MSR1: variants seen among roughly 807,000 people sequenced by gnomAD.
The protein encoded by MSR1 is macrophage scavenger receptor 1.
Under a neutral mutation model 47.2 loss-of-function variants are expected in MSR1, and 53 were observed. The observed-to-expected ratio is 1.12, with a 90% CI of 0.90 to 1.41. MSR1 has a LOEUF of 1.41. Ranked by LOEUF, MSR1 falls within the 40% of genes most tolerant of loss-of-function variation. The pLI, the probability that MSR1 is intolerant of heterozygous loss-of-function variation, is 0.00. For synonymous variants in MSR1, 239 were observed against 185.6 expected (o/e 1.29, Z -2.34); for missense variants, 786 against 546.9 (o/e 1.44, Z -4.36).
intron 8 of MSR1, among the ~76,000 whole-genome samples, chr8:16,128,315 C>T (rs58083007): frequency 0.04 from 6,086 of 152,028 alleles, 207 homozygotes; most frequent in East Asian, 0.12. Flanking sequence ...AGATAGAGGC[C>T]ATATGGAGGT....
chr8:16,162,436 G>C (rs912206352), intron 5 of MSR1, among the ~76,000 whole-genome samples: 3 of 152,048 alleles, frequency 2.0e-5, no homozygotes, highest in Non-Finnish European at 4.4e-5. Flanking sequence ...AATGCCCGAG[G>C]TGCTTTTAGA....
intron 8 of MSR1, chr8:16,140,458 C>T: frequency 3.0e-6 from 3 of 987,172 alleles, no homozygotes; most frequent in Non-Finnish European, 2.4e-6. Flanking sequence ...AAAATTTACA[C>T]CCTAGTTGTA....
intron 8 of MSR1, among the ~76,000 whole-genome samples, chr8:16,142,494 G>A (rs1397621818): frequency 6.6e-6 from 1 of 152,112 alleles, no homozygotes; most frequent in East Asian, 1.9e-4. Context: ...GTACTCCGAA[G>A]ACACACAATA....
chr8:16,148,634 G>A (rs1460117421), intron 7 of MSR1, among the ~76,000 whole-genome samples: 1 of 151,840 alleles, frequency 6.6e-6, no homozygotes, highest in South Asian at 2.1e-4. Flanking sequence ...GTAGAGACAC[G>A]GTTTCACCAG....
chr8:16,118,568 T>G (rs1799928270), intron 9 of MSR1, among the ~76,000 whole-genome samples: 2 of 151,936 alleles, frequency 1.3e-5, no homozygotes, highest in East Asian at 1.9e-4. Context: ...AGTCGCAGCT[T>G]CTCAGGAGGC....
rs201949613 is a variant in MSR1 at position 16,112,943 on chromosome 8, G to A, written c.1223-2725C>T. On this transcript the variant is annotated intron_variant, in intron 9 of 9. Transcript: ENST00000262101. Reference sequence around the variant, plus strand: ...GATATTGATTATATATTTTTTTTAAGTTTTTTTTTTTTTTTTTTTTTGAGA... The same window carrying A: ...GATATTGATTATATATTTTTTTTAAATTTTTTTTTTTTTTTTTTTTTGAGA... 5.8e-3 allele frequency among the ~76,000 whole-genome samples: 507 copies of A among 87,822 alleles called. 5 individuals carry two copies. Among genetic ancestry groups the A allele is most frequent in the African/African-American group, 0.014 (377 of 26,850 alleles). 57.6% of individuals were successfully genotyped at this position (87,822 alleles called of 152,430 possible).
At chr8:16,153,898 T>G (rs1381780939) in intron 6 of MSR1, among the ~76,000 whole-genome samples, 1 of 152,068 alleles carries the variant, frequency 6.6e-6, no homozygotes, top group South Asian at 2.1e-4. Flanking sequence ...GTAGAAAGAC[T>G]TTCCTGAATA....
At chr8:16,127,339 T>C (rs1361059784) in intron 8 of MSR1, among the ~76,000 whole-genome samples, 1 of 152,158 alleles carries the variant, frequency 6.6e-6, no homozygotes, top group Non-Finnish European at 1.5e-5. Context: ...ATTCGCATTA[T>C]GGAAGAATTA....
intron 3 of MSR1, among the ~76,000 whole-genome samples, chr8:16,173,938 C>G (rs1476287583): frequency 6.6e-6 from 1 of 152,170 alleles, no homozygotes; most frequent in East Asian, 1.9e-4. Context: ...CATGAGCCAC[C>G]GTGCCCAGCT....
At chr8:16,181,963 G>A (rs879432722) in intron 1 of MSR1, among the ~76,000 whole-genome samples, 25 of 152,126 alleles carry the variant, frequency 1.6e-4, no homozygotes, top group African/African-American at 4.6e-4. Context: ...ACAAAGATAC[G>A]TTCTGAGAAA....
chr8:16,122,991 C>A (rs1800040235), intron 8 of MSR1, among the ~76,000 whole-genome samples: 1 of 151,750 alleles, frequency 6.6e-6, no homozygotes, highest in Non-Finnish European at 1.5e-5. Flanking sequence ...ACTACAGGTG[C>A]CTGCCACCAC....
At chr8:16,116,736 G>A (rs900848291) in intron 9 of MSR1, among the ~76,000 whole-genome samples, 1 of 152,070 alleles carries the variant, frequency 6.6e-6, no homozygotes, top group African/African-American at 2.4e-5. Flanking sequence ...TTTTACTCAT[G>A]AGACTAAGCC....
At chr8:16,187,557 A>T (rs1802040286) in intron 1 of MSR1, among the ~76,000 whole-genome samples, 1 of 151,910 alleles carries the variant, frequency 6.6e-6, no homozygotes, top group South Asian at 2.1e-4. Flanking sequence ...CTCTCATCCA[A>T]GCCAGATCCA....
intron 3 of MSR1, among the ~76,000 whole-genome samples, chr8:16,171,280 G>T (rs974969662): frequency 6.7e-6 from 1 of 149,772 alleles, no homozygotes; most frequent in Admixed American, 6.7e-5. Context: ...TACTACTGTA[G>T]CTATTATTAC....
At position 16,157,156 on chromosome 8, in the gene MSR1, A is replaced by G. The variant is rs192360213; in HGVS notation, c.818-2012T>C. ...AGACGCAGACATTCCAGGAAAAACT[A>G]GAACATGAAACAAGAAGAAACAAGG... On this transcript the variant is annotated intron_variant, in intron 5 of 9. Coordinates refer to ENST00000262101, the MANE Select transcript of MSR1 (RefSeq NM_138715.3). Among the ~76,000 whole-genome samples, 58 of 152,158 alleles carry G rather than the reference A, an allele frequency of 3.8e-4. 1 individual carries two copies. In the East Asian group the frequency reaches 0.01, roughly 27 times the overall value.
chr8:16,178,840 T>C (rs921873656), intron 1 of MSR1, among the ~76,000 whole-genome samples: 10 of 152,174 alleles, frequency 6.6e-5, no homozygotes. Flanking sequence ...TGGATTAGCA[T>C]TTCTCTGATG....
chr8:16,148,957 C>T (rs1175031977), intron 7 of MSR1, among the ~76,000 whole-genome samples: 2 of 152,112 alleles, frequency 1.3e-5, no homozygotes, highest in Non-Finnish European at 2.9e-5. Context: ...CTGACTCCAA[C>T]TATATGACAT....
chr8:16,186,598 T>C (rs1051240978), intron 1 of MSR1, among the ~76,000 whole-genome samples: 1 of 151,752 alleles, frequency 6.6e-6, no homozygotes, highest in Admixed American at 6.6e-5. Flanking sequence ...CTTGCTAGCA[T>C]CCTGTCCAAG....
intron 2 of MSR1, among the ~76,000 whole-genome samples, chr8:16,175,810 G>C (rs1041446859): frequency 1.7e-4 from 26 of 152,024 alleles, no homozygotes; most frequent in African/African-American, 5.8e-4. Flanking sequence ...CTTATGATTT[G>C]AATACAGTGT....
Sources: allele counts gnomAD v4.1 joint callset (sites outside exome capture counted in the v4.1 genomes callset), GRCh38; gene constraint gnomAD v4.1.1; transcripts MANE v1.5; gene names NCBI Gene and HGNC (gene_info 2026-07-23, HGNC 2026-07-21).